The following CTNND2 variants were observed in gnomAD, a reference collection of about 807,000 sequenced individuals.
CTNND2 encodes the protein catenin delta-2.
In CTNND2, 22 loss-of-function variants were observed where a neutral mutation model predicts 144.4. That is an observed-to-expected ratio of 0.15 (90% CI 0.11 to 0.22). The LOEUF (loss-of-function observed/expected upper bound fraction) is 0.22, where lower values mean the gene tolerates loss of function less well. Ranked by LOEUF, CTNND2 falls within the 10% of genes least tolerant of loss-of-function variation. The pLI, the probability that CTNND2 is intolerant of heterozygous loss-of-function variation, is 1.00. For missense variants in CTNND2, 1,353 were observed against 1,618.8 expected (o/e 0.84, Z 2.82); for synonymous variants, 751 against 695.6 (o/e 1.08, Z -1.25).
intron 16 of CTNND2, among the ~76,000 whole-genome samples, chr5:11,041,242 T>C (rs1384676144): frequency 6.6e-6 from 1 of 152,244 alleles, no homozygotes; most frequent in African/African-American, 2.4e-5. Flanking sequence ...TTGGTTTTCT[T>C]CATATGCTGT....
At chr5:11,051,615 A>G (rs1745832190) in intron 16 of CTNND2, among the ~76,000 whole-genome samples, 3 of 152,258 alleles carry the variant, frequency 2.0e-5, no homozygotes, top group Admixed American at 6.5e-5. Context: ...TCAGAATTGC[A>G]AAAGATTTTT....
intron 18 of CTNND2, among the ~76,000 whole-genome samples, chr5:10,999,525 C>A (rs549790026): frequency 3.8e-4 from 58 of 152,256 alleles, no homozygotes; most frequent in African/African-American, 1.2e-3. Flanking sequence ...CGGGGAAGGG[C>A]CATGAATCCT....
intron 3 of CTNND2, among the ~76,000 whole-genome samples, chr5:11,457,177 A>G (rs1428322732): frequency 6.6e-6 from 1 of 152,064 alleles, no homozygotes; most frequent in Non-Finnish European, 1.5e-5. Flanking sequence ...TGAAGTGGGA[A>G]GACTGCTTGA....
chr5:11,702,222 A>C (rs1581744059), intron 2 of CTNND2, among the ~76,000 whole-genome samples: 1 of 152,182 alleles, frequency 6.6e-6, no homozygotes, highest in African/African-American at 2.4e-5. Context: ...CTTGTGTACC[A>C]CAAGGGTTTG....
At chr5:11,143,400 G>A (rs756678930) in intron 12 of CTNND2, among the ~76,000 whole-genome samples, 1 of 151,878 alleles carries the variant, frequency 6.6e-6, no homozygotes, top group African/African-American at 2.4e-5. Flanking sequence ...CAAGGGTTGT[G>A]AAAAAAAACT....
intron 18 of CTNND2, among the ~76,000 whole-genome samples, chr5:11,000,292 G>A (rs1739807801): frequency 6.6e-6 from 1 of 152,188 alleles, no homozygotes; most frequent in South Asian, 2.1e-4. Flanking sequence ...GGAGGCCGAG[G>A]CGGGCAGATC....
At chr5:11,114,348 TAGA>T (rs1350143325) in intron 13 of CTNND2, among the ~76,000 whole-genome samples, 1 of 150,734 alleles carries the variant, frequency 6.6e-6, no homozygotes, top group East Asian at 2.0e-4. Context: ...GGGAAGAAGC[TAGA>T]AGAAGAAGAG....
intron 11 of CTNND2, among the ~76,000 whole-genome samples, chr5:11,170,350 T>C (rs537265587): frequency 4.6e-5 from 7 of 152,204 alleles, no homozygotes; most frequent in Non-Finnish European, 1.0e-4. Context: ...AAGAAGGCAT[T>C]TGAGTTCACA....
chr5:11,734,491 T>G (rs1787571390), intron 1 of CTNND2, among the ~76,000 whole-genome samples: 1 of 152,196 alleles, frequency 6.6e-6, no homozygotes, highest in Admixed American at 6.5e-5. Flanking sequence ...ATTTGTTACA[T>G]GTATCATCTA....
At chr5:11,485,915 C>T in intron 3 of CTNND2, among the ~76,000 whole-genome samples, 1 of 152,194 alleles carries the variant, frequency 6.6e-6, no homozygotes, top group Middle Eastern at 3.4e-3. Flanking sequence ...ATTAAAATTT[C>T]ACTAAGTCCA....
At chr5:11,267,456 T>C (rs963318768) in intron 9 of CTNND2, among the ~76,000 whole-genome samples, 1 of 152,194 alleles carries the variant, frequency 6.6e-6, no homozygotes, top group African/African-American at 2.4e-5. Flanking sequence ...CAGCCACCAC[T>C]AGATGTCACC....
intron 1 of CTNND2, among the ~76,000 whole-genome samples, chr5:11,872,735 T>G (rs1735245281): frequency 6.6e-6 from 1 of 152,212 alleles, no homozygotes; most frequent in Admixed American, 6.5e-5. Context: ...GGTTGTTTTT[T>G]TTCTTGTAAA....
At chr5:11,772,898 T>C in intron 1 of CTNND2, among the ~76,000 whole-genome samples, 1 of 152,218 alleles carries the variant, frequency 6.6e-6, no homozygotes, top group East Asian at 1.9e-4. Context: ...CTCAAATTTG[T>C]TATGGTTGTG....
intron 1 of CTNND2, among the ~76,000 whole-genome samples, chr5:11,803,228 G>A (rs994182244): frequency 6.6e-6 from 1 of 152,048 alleles, no homozygotes; most frequent in African/African-American, 2.4e-5. Flanking sequence ...GCTGAGGCAG[G>A]AGAATCGCTT....
intron 2 of CTNND2, among the ~76,000 whole-genome samples, chr5:11,602,436 T>G (rs183046814): frequency 4.4e-4 from 67 of 151,740 alleles, no homozygotes; most frequent in Admixed American, 1.3e-3. Flanking sequence ...GATAGTGCTA[T>G]TCAAACACCC....
intron 1 of CTNND2, among the ~76,000 whole-genome samples, chr5:11,879,352 T>TACAC (rs199703701): frequency 7.3e-6 from 1 of 137,204 alleles, no homozygotes; most frequent in African/African-American, 2.7e-5. Context: ...TATATATATA[T>TACAC]ATATACATAT....
chr5:11,538,281 G>T (rs1007619480), intron 3 of CTNND2, among the ~76,000 whole-genome samples: 4 of 152,154 alleles, frequency 2.6e-5, no homozygotes, highest in Non-Finnish European at 2.9e-5. Context: ...AACGAATAAG[G>T]TATGGGTCTT....
chr5:11,684,171 G>A (rs867624254), intron 2 of CTNND2, among the ~76,000 whole-genome samples: 3 of 150,948 alleles, frequency 2.0e-5, no homozygotes, highest in Non-Finnish European at 4.4e-5. Flanking sequence ...GCACAATCTC[G>A]GCTCACTGCA....
At chr5:11,620,877 T>C (rs80222587) in intron 2 of CTNND2, among the ~76,000 whole-genome samples, 5,452 of 152,256 alleles carry the variant, frequency 0.036, 156 homozygotes, top group East Asian at 0.12. Flanking sequence ...GGATGTCGAA[T>C]ACCTGAATAG....
Sources: gnomAD v4.1 joint callset for allele counts (sites outside exome capture counted in the v4.1 genomes callset) on GRCh38, gnomAD v4.1.1 for gene constraint, MANE v1.5 for transcripts, NCBI Gene and HGNC (gene_info 2026-07-23, HGNC 2026-07-21) for gene names.